The following CPS1 variants were observed in gnomAD, a reference collection of about 807,000 sequenced individuals.
CPS1 encodes carbamoyl-phosphate synthase [ammonia], mitochondrial.
A neutral mutation model predicts 174.6 loss-of-function variants in CPS1; 109 were observed. The ratio of observed to expected loss-of-function variants is 0.62; its 90% CI spans 0.53 to 0.73. The LOEUF is 0.73. Ranked by LOEUF, CPS1 falls within the 30% of genes least tolerant of loss-of-function variation. The probability of loss-of-function intolerance (pLI) is 0.00; values close to 1 mark genes in which losing one functional copy is unlikely to be tolerated. For missense variants in CPS1, 1,689 were observed against 1,821.9 expected (o/e 0.93, Z 1.33); for synonymous variants, 637 against 632.0 (o/e 1.01, Z -0.12).
chr2:210,655,574 T>A lies in CPS1; in HGVS notation c.3559-951T>A, dbSNP rs115732444. ...GACACTTCACCAAAAAATGAGCTCT[T>A]ATTATTTTATAAATAAGCTCTTGTA... On this transcript the variant is annotated intron_variant, in intron 29 of 37. Transcript: ENST00000233072. Among the ~76,000 whole-genome samples the A allele has an allele frequency of 1.1e-3, 168 of 152,276 alleles. 1 individual carries two copies. Among genetic ancestry groups the A allele is most frequent in the African/African-American group, 3.9e-3 (162 of 41,538 alleles).
At chr2:210,581,145 C>T (rs959231677) in intron 5 of CPS1, among the ~76,000 whole-genome samples, 114 of 152,084 alleles carry the variant, frequency 7.5e-4, no homozygotes, top group Non-Finnish European at 4.0e-4. Flanking sequence ...CTTGTGTTCT[C>T]TCAGCCTAAT....
chr2:210,520,261 A>G (rs1695786812), intron 1 of CPS1, among the ~76,000 whole-genome samples: 3 of 152,076 alleles, frequency 2.0e-5, no homozygotes, highest in East Asian at 1.9e-4. Flanking sequence ...AACTATTACC[A>G]GAGTCAAGAT....
chr2:210,546,961 A>T (rs923860845), intron 1 of CPS1, among the ~76,000 whole-genome samples: 7 of 152,078 alleles, frequency 4.6e-5, no homozygotes, highest in African/African-American at 1.7e-4. Flanking sequence ...AACGCTTTGG[A>T]CTCCAGCCAG....
intron 18 of CPS1, 58 bp from the exon 19 acceptor site, chr2:210,608,303 T>C (rs1698991212): frequency 6.6e-7 from 1 of 1,510,136 alleles, no homozygotes; most frequent in South Asian, 1.1e-5. Context: ...ATTTATGTTT[T>C]GGTCTGTTTT....
At chr2:210,511,302 G>A (rs534494275) in intron 1 of CPS1, among the ~76,000 whole-genome samples, 45 of 152,136 alleles carry the variant, frequency 3.0e-4, no homozygotes, top group Non-Finnish European at 5.3e-4. Flanking sequence ...AACACCGCAT[G>A]TTCTTACTCA....
At chr2:210,523,179 A>T (rs1695873882) in intron 1 of CPS1, among the ~76,000 whole-genome samples, 1 of 151,942 alleles carries the variant, frequency 6.6e-6, no homozygotes, top group Non-Finnish European at 1.5e-5. Flanking sequence ...GAAGTTCTTT[A>T]TGTTTTTTCT....
chr2:210,596,126 T>G (rs1433618279), intron 13 of CPS1, among the ~76,000 whole-genome samples: 1 of 151,944 alleles, frequency 6.6e-6, no homozygotes, highest in Non-Finnish European at 1.5e-5. Flanking sequence ...GGCAACATTT[T>G]CAAGTAGAAA....
At position 210,577,481 on chromosome 2, in the gene CPS1, A is replaced by G. The variant is rs773663393; in HGVS notation, c.442A>G (p.Ser148Gly). ...CTACAACCACTGGCTGGCTACCAAG[A>G]GTTTAGGGCAATGGCTACAGGAAGA... ...KDYNHWLATK[S>G]LGQWLQEEKV... The change falls in exon 4 of 38, where the codon AGT (serine) becomes GGT (glycine). Residue 148 changes from serine (S) to glycine (G), a missense_variant. Coordinates refer to ENST00000233072, the MANE Select transcript of CPS1 (RefSeq NM_001875.5). 6.0e-5 allele frequency: 97 copies of G among 1,613,666 alleles called. No individual in the cohort carries two copies. The highest frequency in any genetic ancestry group is 8.0e-5 in the Non-Finnish European group (94 of 1,179,826).
intron 1 of CPS1, among the ~76,000 whole-genome samples, chr2:210,479,866 G>T (rs1461736049): frequency 6.6e-6 from 1 of 152,056 alleles, no homozygotes; most frequent in Admixed American, 6.5e-5. Context: ...GAACTTTCAG[G>T]AAATAATCAT....
At chr2:210,628,902 C>T (rs1193953371) in intron 21 of CPS1, among the ~76,000 whole-genome samples, 1 of 152,158 alleles carries the variant, frequency 6.6e-6, no homozygotes, top group Admixed American at 6.5e-5. Flanking sequence ...TTGCTTGGTA[C>T]AACCTAAGTG....
chr2:210,497,889 C>CATATAT (rs1401841718), intron 1 of CPS1, among the ~76,000 whole-genome samples: 845 of 63,014 alleles, frequency 0.013, 25 homozygotes, highest in East Asian at 0.084. Context: ...ACAATATATA[C>CATATAT]ATACATATAT....
intron 30 of CPS1, chr2:210,657,767 A>C (rs1174285814): frequency 6.6e-6 from 1 of 152,162 alleles, no homozygotes; most frequent in Non-Finnish European, 1.5e-5. Context: ...CTGGATTCTG[A>C]AGGTCTTTGT....
intron 1 of CPS1, among the ~76,000 whole-genome samples, chr2:210,531,736 G>C (rs1358669701): frequency 6.6e-6 from 1 of 152,170 alleles, no homozygotes; most frequent in Admixed American, 6.5e-5. Context: ...ATTTGCCATT[G>C]ATAGGAGGTG....
chr2:210,564,949 C>T (rs1026743853), intron 1 of CPS1, among the ~76,000 whole-genome samples: 2 of 151,798 alleles, frequency 1.3e-5, no homozygotes, highest in East Asian at 3.9e-4. Flanking sequence ...GAGCCAAGAT[C>T]ATGCCACTGC....
chr2:210,658,575 A>C lies in CPS1; in HGVS notation c.3667-24A>C, dbSNP rs576486350. The C allele has an allele frequency of 1.9e-6, 3 of 1,598,970 alleles. No individual in the cohort carries two copies. The African/African-American group carries it at 4.0e-5, about 21-fold the overall frequency. On this transcript the variant is annotated intron_variant, in intron 30 of 37. Transcript: ENST00000233072. Reference sequence around the variant, plus strand: ...ACTAAGATATGCTCTTTAGCACACTATACGATTATGCTTTTTAATTCAGGT... The same window carrying C: ...ACTAAGATATGCTCTTTAGCACACTCTACGATTATGCTTTTTAATTCAGGT...
intron 1 of CPS1, among the ~76,000 whole-genome samples, chr2:210,528,252 G>T (rs1301876827): frequency 6.6e-6 from 1 of 151,750 alleles, no homozygotes; most frequent in Non-Finnish European, 1.5e-5. Context: ...GCAGAAAACA[G>T]AAACTTTTTT....
At chr2:210,635,950 G>C (rs1383636378) in intron 21 of CPS1, among the ~76,000 whole-genome samples, 1 of 152,124 alleles carries the variant, frequency 6.6e-6, no homozygotes, top group Non-Finnish European at 1.5e-5. Flanking sequence ...ACACCAGCTT[G>C]ATTTTTTCTT....
chr2:210,550,686 C>G (rs1234145195), intron 1 of CPS1, among the ~76,000 whole-genome samples: 7 of 151,924 alleles, frequency 4.6e-5, no homozygotes, highest in Non-Finnish European at 8.8e-5. Context: ...ACTGGCATAA[C>G]AGCAAGTGGT....
At chr2:210,648,121 G>T in intron 26 of CPS1, 64 bp downstream of exon 26, 1 of 1,494,244 alleles carries the variant, frequency 6.7e-7, no homozygotes, top group Non-Finnish European at 9.3e-7. Context: ...CCTGAATGTT[G>T]ACTGAATGTT....
Sources: allele counts gnomAD v4.1 joint callset (sites outside exome capture counted in the v4.1 genomes callset), GRCh38; gene constraint gnomAD v4.1.1; transcripts MANE v1.5; gene names NCBI Gene and HGNC (gene_info 2026-07-23, HGNC 2026-07-21).